Variants in PRLR observed in about 807,000 individuals in gnomAD.
PRLR encodes prolactin receptor.
In PRLR, 13 loss-of-function variants were observed where a neutral mutation model predicts 40.2. The observed-to-expected ratio is 0.32, with a 90% CI of 0.21 to 0.51. The LOEUF (loss-of-function observed/expected upper bound fraction) is 0.51, where lower values mean the gene tolerates loss of function less well. Among genes scored for constraint, PRLR ranks in the 20% least tolerant of loss-of-function variants. The pLI is 0.97. For synonymous variants in PRLR, 269 were observed against 278.7 expected (o/e 0.97, Z 0.35); for missense variants, 656 against 747.3 (o/e 0.88, Z 1.42).
chr5:35,142,785 A>G (rs1774061543), intron 1 of PRLR, among the ~76,000 whole-genome samples: 1 of 152,226 alleles, frequency 6.6e-6, no homozygotes, highest in South Asian at 2.1e-4. Flanking sequence ...ATTAAATGAC[A>G]GAGGCAGTTT....
downstream of PRLR, among the ~76,000 whole-genome samples, chr5:35,051,662 A>C (rs1768502125): frequency 6.6e-6 from 1 of 152,240 alleles, no homozygotes; most frequent in Non-Finnish European, 1.5e-5. Flanking sequence ...TGATTATTAC[A>C]GAATTGGCTG....
At chr5:35,128,517 A>AT (rs200913599) in intron 1 of PRLR, among the ~76,000 whole-genome samples, 1,959 of 151,466 alleles carry the variant, frequency 0.013, 54 homozygotes, top group African/African-American at 0.045. Flanking sequence ...TTGTATTATC[A>AT]TTTTTTTTCA....
intron 1 of PRLR, among the ~76,000 whole-genome samples, chr5:35,163,849 C>T (rs1774745378): frequency 1.3e-5 from 2 of 152,198 alleles, no homozygotes; most frequent in South Asian, 2.1e-4. Flanking sequence ...CAAGTATTCA[C>T]TGATTGCTGA....
chr5:35,080,935 G>A (rs554978101), intron 5 of PRLR, among the ~76,000 whole-genome samples: 3 of 150,370 alleles, frequency 2.0e-5, no homozygotes, highest in South Asian at 2.1e-4. Context: ...CAAAACTATC[G>A]CAAAGACAGA....
intron 2 of PRLR, among the ~76,000 whole-genome samples, chr5:35,103,627 C>A (rs145749533): frequency 0.018 from 2,776 of 152,284 alleles, 38 homozygotes; most frequent in Non-Finnish European, 0.026. Context: ...TTCTTTTTAT[C>A]TGTGTAAACA....
intron 5 of PRLR, among the ~76,000 whole-genome samples, chr5:35,076,835 A>C (rs970342986): frequency 2.0e-5 from 3 of 152,256 alleles, no homozygotes; most frequent in Non-Finnish European, 4.4e-5. Flanking sequence ...CATCAGACTA[A>C]CAGTGGATCT....
intron 1 of PRLR, among the ~76,000 whole-genome samples, chr5:35,202,145 G>A (rs900595749): frequency 2.0e-5 from 3 of 152,184 alleles, no homozygotes; most frequent in East Asian, 1.9e-4. Context: ...ATGATAATAA[G>A]AGAACCTACC....
chr5:35,206,079 G>C (rs1776008520), intron 1 of PRLR, among the ~76,000 whole-genome samples: 1 of 152,108 alleles, frequency 6.6e-6, no homozygotes, highest in South Asian at 2.1e-4. Context: ...AGAAAATACT[G>C]TGGAAAAGGA....
At chr5:35,157,771 G>C (rs6863133) in intron 1 of PRLR, among the ~76,000 whole-genome samples, 12,523 of 152,252 alleles carry the variant, frequency 0.082, 1,774 homozygotes, top group African/African-American at 0.29. Context: ...AAAATTTCCC[G>C]TCTTGAAAAG....
intron 1 of PRLR, among the ~76,000 whole-genome samples, chr5:35,224,966 C>T (rs1776515436): frequency 6.6e-6 from 1 of 152,096 alleles, no homozygotes. Flanking sequence ...CTGGAGTAGC[C>T]CTTCTGGCAA....
Position 35,222,628 on chromosome 5 carries a change from C to T in PRLR, c.-106+7640G>A, listed in dbSNP as rs1776452982. On this transcript the variant is annotated intron_variant, in intron 1 of 9. Coordinates refer to ENST00000618457, the MANE Select transcript of PRLR (RefSeq NM_000949.7). ...TCACAGTGTTGGCAGCTTAGGGAAA[C>T]CAGTCATCTTCACCTACTGATCTGT... Among the ~76,000 whole-genome samples, 6 of 152,244 alleles carry T rather than the reference C, an allele frequency of 3.9e-5. No individual in the cohort carries two copies. In the South Asian group the frequency reaches 1.2e-3, roughly 32 times the overall value.
chr5:35,189,516 G>A (rs375132174), intron 1 of PRLR, among the ~76,000 whole-genome samples: 1 of 151,924 alleles, frequency 6.6e-6, no homozygotes, highest in African/African-American at 2.4e-5. Flanking sequence ...GGGAGGCAGA[G>A]GTTGTAGTGA....
intron 2 of PRLR, among the ~76,000 whole-genome samples, chr5:35,102,335 A>G (rs560820658): frequency 1.3e-5 from 2 of 152,052 alleles, no homozygotes; most frequent in South Asian, 4.1e-4. Context: ...TAAGATTCTG[A>G]GTCTTCTTTT....
intron 1 of PRLR, among the ~76,000 whole-genome samples, chr5:35,206,586 G>T (rs527293091): frequency 2.6e-4 from 40 of 152,148 alleles, no homozygotes; most frequent in Admixed American, 7.2e-4. Flanking sequence ...TTTTGATGGG[G>T]TTATTCAAAG....
rs558577301 is a variant in PRLR at position 35,058,908 on chromosome 5, C to A, written c.*6181G>T. 6.6e-6 allele frequency: 1 copy of A among 152,176 alleles called. No homozygotes were observed. The highest frequency in any genetic ancestry group is 1.9e-4 in the East Asian group (1 of 5,182). The allele number at this position is 152,176 out of a possible 1,614,324, so 9.4% of individuals were successfully genotyped here. A position where few individuals can be genotyped will look rare whatever the true frequency, so the allele number is the denominator to read the frequency against. On this transcript the variant is annotated 3_prime_UTR_variant, in exon 10 of 10. Transcript: ENST00000618457. ...ACATCTTTCATTTCTAAACTATAAG[C>A]AGCTTTGAAGGAAGGACATTAGGAC...
intron 1 of PRLR, among the ~76,000 whole-genome samples, chr5:35,130,798 A>G (rs114715786): frequency 0.015 from 2,349 of 152,274 alleles, 28 homozygotes; most frequent in Middle Eastern, 0.031. Context: ...GTAATAATGG[A>G]GTGGGGTGGG....
intron 2 of PRLR, among the ~76,000 whole-genome samples, chr5:35,115,895 C>CT (rs1313920627): frequency 6.6e-6 from 1 of 152,096 alleles, no homozygotes; most frequent in Non-Finnish European, 1.5e-5. Context: ...CAATTTTACT[C>CT]TTAACTTTTA....
In PRLR at chr5:35,049,049, G is replaced by A. The variant is rs1055732108; in HGVS notation, c.*238C>T. 6 of 615,618 alleles carry A rather than the reference G, an allele frequency of 9.7e-6. No homozygotes were observed. In the African/African-American group the frequency reaches 1.1e-4, roughly 11 times the overall value. 38.1% of individuals were successfully genotyped at this position (615,618 alleles called of 1,614,324 possible). ...TGAAGGCACTAGGTAAGCAGAGGGA[G>A]TATGTTACATTCAATATAATTGTCC... On this transcript the variant is annotated 3_prime_UTR_variant, in exon 9 of 9. Coordinates refer to the PRLR transcript ENST00000231423.
At chr5:35,225,790 T>G (rs561935175) in intron 1 of PRLR, among the ~76,000 whole-genome samples, 4 of 152,318 alleles carry the variant, frequency 2.6e-5, no homozygotes, top group African/African-American at 9.6e-5. Context: ...CAAGAGACTT[T>G]CCTGCCTCAG....
Sources: gnomAD v4.1 joint callset for allele counts (sites outside exome capture counted in the v4.1 genomes callset) on GRCh38, gnomAD v4.1.1 for gene constraint, MANE v1.5 for transcripts, NCBI Gene and HGNC (gene_info 2026-07-23, HGNC 2026-07-21) for gene names.